Variants in RECK observed in about 807,000 individuals in gnomAD.
The protein encoded by RECK is reversion-inducing cysteine-rich protein with Kazal motifs.
In RECK, 69 loss-of-function variants were observed where a neutral mutation model predicts 115.1. The ratio of observed to expected loss-of-function variants is 0.60; its 90% CI spans 0.49 to 0.73. The LOEUF (loss-of-function observed/expected upper bound fraction) is 0.73, where lower values mean the gene tolerates loss of function less well. Ranked by LOEUF, RECK falls within the 30% of genes least tolerant of loss-of-function variation. The probability of loss-of-function intolerance (pLI) is 0.00; values close to 1 mark genes in which losing one functional copy is unlikely to be tolerated. For missense variants in RECK, 1,047 were observed against 1,203.7 expected, an observed-to-expected ratio of 0.87 and a Z score of 1.93; for synonymous variants, 414 against 419.7, an observed-to-expected ratio of 0.99 and a Z score of 0.17.
Position 36,037,037 on chromosome 9 carries a change from CCTT to C in RECK, c.42_44del (p.Leu16del). 1 of 1,417,678 alleles carries C rather than the reference CCTT, an allele frequency of 7.1e-7. No individual in the cohort carries two copies. Among genetic ancestry groups the C allele is most frequent in the Non-Finnish European group, 9.2e-7 (1 of 1,081,574 alleles). 87.8% of individuals were successfully genotyped at this position (1,417,678 alleles called of 1,614,324 possible). A position where few individuals can be genotyped will look rare whatever the true frequency, so the allele number is the denominator to read the frequency against. On this transcript the variant is annotated inframe_deletion, in exon 1 of 21. Coordinates refer to ENST00000377966, the MANE Select transcript of RECK (RefSeq NM_021111.3). Reference sequence around the variant, plus strand: ...GGGCCTCTCTGCGAGGTGCGCTGCTCCTTCTGCTGGCCGTGGCGGGGGTCGCGG... The same window carrying C: ...GGGCCTCTCTGCGAGGTGCGCTGCTCCTGCTGGCCGTGGCGGGGGTCGCGG...
At chr9:36,065,857 G>A (rs549519499) in intron 6 of RECK, among the ~76,000 whole-genome samples, 15 of 152,040 alleles carry the variant, frequency 9.9e-5, no homozygotes, top group Non-Finnish European at 1.5e-4. Flanking sequence ...CACATACAAA[G>A]GATTTAACCT....
At chr9:36,084,563 C>T (rs1247646716) in intron 8 of RECK, among the ~76,000 whole-genome samples, 1 of 152,002 alleles carries the variant, frequency 6.6e-6, no homozygotes, top group East Asian at 1.9e-4. Flanking sequence ...GGTGTGGTGG[C>T]ACATGCCTGT....
intron 6 of RECK, among the ~76,000 whole-genome samples, chr9:36,069,195 A>T (rs1220784561): frequency 6.6e-6 from 1 of 152,210 alleles, no homozygotes; most frequent in Non-Finnish European, 1.5e-5. Context: ...AGAAATGATC[A>T]GATGCAGACT....
chr9:36,086,215 T>A (rs1822952536), intron 8 of RECK: 2 of 152,226 alleles, frequency 1.3e-5, no homozygotes, highest in South Asian at 2.1e-4. Context: ...ACTGTACTAT[T>A]TATGTTACAA....
At chr9:36,103,842 T>A (rs1177607574) in intron 12 of RECK, among the ~76,000 whole-genome samples, 1 of 152,184 alleles carries the variant, frequency 6.6e-6, no homozygotes, top group Non-Finnish European at 1.5e-5. Flanking sequence ...TTAGGCAAAA[T>A]GAGATGAACT....
chr9:36,089,189 A>C (rs544512566), intron 9 of RECK, among the ~76,000 whole-genome samples: 27 of 152,314 alleles, frequency 1.8e-4, no homozygotes, highest in Admixed American at 8.5e-4. Context: ...AGAAGTTAAT[A>C]AATATATTTA....
At chr9:36,039,041 C>A (rs1230799991) in intron 1 of RECK, among the ~76,000 whole-genome samples, 1 of 152,102 alleles carries the variant, frequency 6.6e-6, no homozygotes, top group African/African-American at 2.4e-5. Context: ...CTTGTTTGCT[C>A]ATAAAATTCT....
intron 12 of RECK, among the ~76,000 whole-genome samples, chr9:36,104,303 T>C (rs1823686594): frequency 4.8e-5 from 3 of 62,674 alleles, no homozygotes; most frequent in African/African-American, 2.6e-4. Context: ...TATATATATA[T>C]ATATATATAT....
chr9:36,081,810 G>A (rs965695086), intron 7 of RECK, among the ~76,000 whole-genome samples: 1 of 150,276 alleles, frequency 6.7e-6, no homozygotes, highest in African/African-American at 2.5e-5. Context: ...CTCCAGCCAG[G>A]GGACAGAGTG....
At chr9:36,103,310 C>G (rs1823634560) in intron 12 of RECK, among the ~76,000 whole-genome samples, 1 of 152,208 alleles carries the variant, frequency 6.6e-6, no homozygotes, top group African/African-American at 2.4e-5. Context: ...GTAAAGAAAG[C>G]CCAGAAACAA....
At chr9:36,080,152 C>T (rs1372090543) in intron 6 of RECK, among the ~76,000 whole-genome samples, 1 of 152,172 alleles carries the variant, frequency 6.6e-6, no homozygotes, top group African/African-American at 2.4e-5. Context: ...CTAGGAAACT[C>T]AGATGATTCC....
chr9:36,086,652 A>G (rs1822976526), intron 8 of RECK, among the ~76,000 whole-genome samples: 1 of 152,102 alleles, frequency 6.6e-6, no homozygotes, highest in Non-Finnish European at 1.5e-5. Context: ...GGTCCGTTTT[A>G]CAGAGTGCTG....
At chr9:36,084,382 G>A (rs1054313426) in intron 8 of RECK, among the ~76,000 whole-genome samples, 1 of 151,434 alleles carries the variant, frequency 6.6e-6, no homozygotes, top group Admixed American at 6.6e-5. Flanking sequence ...CAGAGAGAGA[G>A]CCTGTCTAAA....
chr9:36,058,772 C>A, intron 2 of RECK, 55 bp from the exon 3 acceptor site: 1 of 1,314,412 alleles, frequency 7.6e-7, no homozygotes, highest in Non-Finnish European at 1.1e-6. Flanking sequence ...AGTTTTACCT[C>A]TTCTTATTTC....
At chr9:36,062,104 G>A (rs528068087) in intron 4 of RECK, among the ~76,000 whole-genome samples, 1 of 151,522 alleles carries the variant, frequency 6.6e-6, no homozygotes, top group South Asian at 2.1e-4. Flanking sequence ...GGAATTTGCA[G>A]CATTCCTGCA....
At chr9:36,067,246 T>G (rs1822043121) in intron 6 of RECK, among the ~76,000 whole-genome samples, 1 of 152,156 alleles carries the variant, frequency 6.6e-6, no homozygotes, top group African/African-American at 2.4e-5. Flanking sequence ...GACTGGTTGT[T>G]TATCAACATC....
chr9:36,113,572 A>G (rs536577244), intron 16 of RECK, among the ~76,000 whole-genome samples: 14 of 152,310 alleles, frequency 9.2e-5, no homozygotes, highest in Middle Eastern at 3.4e-3. Flanking sequence ...TCTTGCTTTT[A>G]TAATAAAACA....
Position 36,123,117 on chromosome 9 carries a change from G to T in RECK, c.*72G>T, listed in dbSNP as rs991321518. 8.9e-6 allele frequency: 11 copies of T among 1,231,598 alleles called. No individual in the cohort carries two copies. The highest frequency in any genetic ancestry group is 1.1e-5 in the Non-Finnish European group (10 of 873,388). The allele number at this position is 1,231,598 out of a possible 1,614,324, so 76.3% of individuals were successfully genotyped here. A position where few individuals can be genotyped will look rare whatever the true frequency, so the allele number is the denominator to read the frequency against. On this transcript the variant is annotated 3_prime_UTR_variant, in exon 21 of 21. Coordinates refer to ENST00000377966, the MANE Select transcript of RECK (RefSeq NM_021111.3). ...TTGAAAAAGACATTCAGGACTGCTG[G>T]TTTGTAGTTGAATATTGGCCAAGGA...
intron 16 of RECK, among the ~76,000 whole-genome samples, chr9:36,113,499 G>T (rs1299987516): frequency 6.6e-6 from 1 of 152,238 alleles, no homozygotes; most frequent in Non-Finnish European, 1.5e-5. Flanking sequence ...AGGTAGAATT[G>T]AGGATTGTCT....
Sources: allele counts gnomAD v4.1 joint callset (sites outside exome capture counted in the v4.1 genomes callset), GRCh38; gene constraint gnomAD v4.1.1; transcripts MANE v1.5; gene names NCBI Gene and HGNC (gene_info 2026-07-23, HGNC 2026-07-21).